The following FBXW7 variants were observed in gnomAD, a reference collection of about 807,000 sequenced individuals.
FBXW7 encodes the protein F-box/WD repeat-containing protein 7.
FBXW7 carries 11 observed loss-of-function variants against 86.3 expected under a neutral mutation model. That is an observed-to-expected ratio of 0.13 (90% CI 0.08 to 0.21). FBXW7 has a LOEUF of 0.21. Among genes scored for constraint, FBXW7 ranks in the 10% least tolerant of loss-of-function variants. FBXW7 has a pLI of 1.00. For missense variants in FBXW7, 488 were observed against 847.4 expected (o/e 0.58, Z 5.27); for synonymous variants, 313 against 297.9 (o/e 1.05, Z -0.52).
At position 152,445,478 on chromosome 4, in the gene FBXW7, A is replaced by G. The variant is rs896994083; in HGVS notation, c.-119-32949T>C. Among the ~76,000 whole-genome samples the G allele has an allele frequency of 2.6e-5, 4 of 152,354 alleles. No individual in the cohort carries two copies. In the East Asian group the frequency reaches 5.8e-4, roughly 22 times the overall value. On this transcript the variant is annotated intron_variant, in intron 2 of 13. Transcript: ENST00000281708. ...TCCTTTGAGCAGCAGGCTGATGCCTAAAGTTTTGACATTGGTTCTGCTATT... is the reference window on the plus strand; with the variant it reads ...TCCTTTGAGCAGCAGGCTGATGCCTGAAGTTTTGACATTGGTTCTGCTATT...
At chr4:152,418,841 C>T (rs1231818563) in intron 2 of FBXW7, among the ~76,000 whole-genome samples, 2 of 152,034 alleles carry the variant, frequency 1.3e-5, no homozygotes, top group Non-Finnish European at 2.9e-5. Flanking sequence ...ACATGATTTG[C>T]TTATCTCATG....
chr4:152,430,388 T>C (rs1739777408), intron 2 of FBXW7, among the ~76,000 whole-genome samples: 1 of 152,184 alleles, frequency 6.6e-6, no homozygotes, highest in African/African-American at 2.4e-5. Flanking sequence ...CCTGAAAAAC[T>C]TTTTAAATTT....
rs1317363058 is a variant in FBXW7 at position 152,322,856 on chromosome 4, T to C, written c.*25A>G. 1 of 1,612,434 alleles carries C rather than the reference T, an allele frequency of 6.2e-7. No homozygotes were observed. Among genetic ancestry groups the C allele is most frequent in the South Asian group, 1.1e-5 (1 of 91,030 alleles). On this transcript the variant is annotated 3_prime_UTR_variant, in exon 14 of 14. Transcript: ENST00000281708. Reference sequence around the variant, plus strand: ...GCAGGGAGTATATCGTCTACACAATTGGACAAATTCATCTTTTCTGCTCTT... The same window carrying C: ...GCAGGGAGTATATCGTCTACACAATCGGACAAATTCATCTTTTCTGCTCTT...
chr4:152,364,825 G>C (rs961648131), intron 4 of FBXW7, among the ~76,000 whole-genome samples: 2 of 152,036 alleles, frequency 1.3e-5, no homozygotes, highest in Admixed American at 6.6e-5. Flanking sequence ...CCTACACTTT[G>C]TCTCAAGTAT....
In FBXW7 at chr4:152,503,633, C is replaced by T. The variant is rs929746046; in HGVS notation, c.-120+31308G>A. Among the ~76,000 whole-genome samples, 9 of 140,862 alleles carry T rather than the reference C, an allele frequency of 6.4e-5. No homozygotes were observed. The Admixed American group carries it at 6.5e-4, about 10-fold the overall frequency. 92.4% of individuals were successfully genotyped at this position (140,862 alleles called of 152,430 possible). On this transcript the variant is annotated intron_variant, in intron 2 of 13. Coordinates refer to ENST00000281708, the MANE Select transcript of FBXW7 (RefSeq NM_001349798.2). Reference sequence around the variant, plus strand: ...ACTTCTAAACTTAAGAAAAAGTTGTCACTATGTAGCTGTAAAAAAAAAAAA... The same window carrying T: ...ACTTCTAAACTTAAGAAAAAGTTGTTACTATGTAGCTGTAAAAAAAAAAAA...
At chr4:152,529,447 C>T (rs531741183) in intron 2 of FBXW7, among the ~76,000 whole-genome samples, 55 of 151,962 alleles carry the variant, frequency 3.6e-4, no homozygotes, top group Non-Finnish European at 5.6e-4. Flanking sequence ...AAGCAGGTTT[C>T]AAACTAACTA....
chr4:152,367,265 T>TA (rs1416450875), intron 4 of FBXW7, among the ~76,000 whole-genome samples: 1 of 152,108 alleles, frequency 6.6e-6, no homozygotes, highest in Non-Finnish European at 1.5e-5. Flanking sequence ...CCCTAGAACT[T>TA]AAAGTATAAA....
Position 152,534,267 on chromosome 4 carries a change from A to G in FBXW7, c.-120+674T>C, listed in dbSNP as rs199511777. 5.2e-3 allele frequency among the ~76,000 whole-genome samples: 785 copies of G among 149,868 alleles called. 6 individuals carry two copies. Among genetic ancestry groups the G allele is most frequent in the African/African-American group, 0.013 (551 of 40,882 alleles). Reference sequence around the variant, plus strand: ...GTAATTTGTTACTCTAAAAAAAAAAAGGGGGGGGTGAAAGGGAAAAAATCA... The same window carrying G: ...GTAATTTGTTACTCTAAAAAAAAAAGGGGGGGGGTGAAAGGGAAAAAATCA... On this transcript the variant is annotated intron_variant, in intron 2 of 13. Coordinates refer to ENST00000281708, the MANE Select transcript of FBXW7 (RefSeq NM_001349798.2).
At chr4:152,503,595 T>C (rs1431363631) in intron 2 of FBXW7, among the ~76,000 whole-genome samples, 1 of 151,688 alleles carries the variant, frequency 6.6e-6, no homozygotes, top group Non-Finnish European at 1.5e-5. Context: ...TTAGGTGAAA[T>C]TTATTTGAAA....
At chr4:152,383,838 T>A (rs1273381571) in intron 4 of FBXW7, among the ~76,000 whole-genome samples, 1 of 152,112 alleles carries the variant, frequency 6.6e-6, no homozygotes, top group East Asian at 1.9e-4. Flanking sequence ...TAAAATGTAG[T>A]TAAAAATGCA....
At chr4:152,519,323 G>A (rs35660985) in intron 2 of FBXW7, among the ~76,000 whole-genome samples, 4,638 of 151,484 alleles carry the variant, frequency 0.031, 120 homozygotes, top group African/African-American at 0.062. Flanking sequence ...AATAAATAAA[G>A]AAAGAAAGAA....
rs200295514 is a variant in FBXW7, at chr4:152,490,641, C to T, written c.-120+44300G>A. On this transcript the variant is annotated intron_variant, in intron 2 of 13. Coordinates refer to ENST00000281708, the MANE Select transcript of FBXW7 (RefSeq NM_001349798.2). ...CAGCAGCATAAGTTAAAAAAACATT[C>T]ATTACAGAAATCTATGTTGTTAAAA... 7.2e-5 allele frequency among the ~76,000 whole-genome samples: 11 copies of T among 152,184 alleles called. No individual in the cohort carries two copies. In the East Asian group the frequency reaches 1.9e-3, roughly 27 times the overall value.
intron 2 of FBXW7, among the ~76,000 whole-genome samples, chr4:152,532,068 C>T (rs1327769887): frequency 1.3e-5 from 2 of 152,188 alleles, no homozygotes; most frequent in Non-Finnish European, 2.9e-5. Context: ...CAGCTCTTCA[C>T]TTTCCATCAG....
At chr4:152,476,347 A>T (rs1744397390) in intron 2 of FBXW7, among the ~76,000 whole-genome samples, 1 of 152,214 alleles carries the variant, frequency 6.6e-6, no homozygotes, top group Non-Finnish European at 1.5e-5. Context: ...CAGATCACAG[A>T]TCTAAATGTA....
At chr4:152,514,756 C>A (rs1233938580) in intron 2 of FBXW7, among the ~76,000 whole-genome samples, 1 of 152,172 alleles carries the variant, frequency 6.6e-6, no homozygotes, top group African/African-American at 2.4e-5. Context: ...CTGAAGCCCT[C>A]ACCAGAAAGC....
intron 4 of FBXW7, among the ~76,000 whole-genome samples, chr4:152,405,493 G>A (rs1040461342): frequency 6.6e-6 from 1 of 152,102 alleles, no homozygotes; most frequent in Non-Finnish European, 1.5e-5. Flanking sequence ...TCTCATTTAG[G>A]TTTGGCTTTA....
intron 2 of FBXW7, among the ~76,000 whole-genome samples, chr4:152,516,317 A>C (rs1213037612): frequency 1.3e-5 from 2 of 152,236 alleles, no homozygotes; most frequent in Non-Finnish European, 2.9e-5. Context: ...GCCTCCTGTC[A>C]GATCAGCTGT....
At chr4:152,466,546 C>T (rs748832743) in intron 2 of FBXW7, among the ~76,000 whole-genome samples, 13 of 148,084 alleles carry the variant, frequency 8.8e-5, no homozygotes, top group Admixed American at 4.7e-4. Flanking sequence ...CAGAGCGAGA[C>T]TCCATTTCAA....
chr4:152,508,260 C>T (rs1243156979), intron 2 of FBXW7, among the ~76,000 whole-genome samples: 1 of 152,012 alleles, frequency 6.6e-6, no homozygotes, highest in African/African-American at 2.4e-5. Flanking sequence ...GAAAAAAAAT[C>T]CGCGAGTCCA....
Sources: gnomAD v4.1 joint callset for allele counts (sites outside exome capture counted in the v4.1 genomes callset) on GRCh38, gnomAD v4.1.1 for gene constraint, MANE v1.5 for transcripts, NCBI Gene and HGNC (gene_info 2026-07-23, HGNC 2026-07-21) for gene names.